NR2F1-AS1: variants seen among roughly 807,000 people sequenced by gnomAD.
The protein encoded by NR2F1-AS1 is NR2F1 antisense RNA 1.
chr5:93,525,098 T>C (rs1046595788), intron 4 of NR2F1-AS1, among the ~76,000 whole-genome samples: 2 of 152,126 alleles, frequency 1.3e-5, no homozygotes, highest in Non-Finnish European at 2.9e-5. Flanking sequence ...ATTGGTGTGC[T>C]GTATTCAGGA....
chr5:93,550,618 C>T (rs1752204483), intron 4 of NR2F1-AS1, among the ~76,000 whole-genome samples: 1 of 152,184 alleles, frequency 6.6e-6, no homozygotes, highest in Non-Finnish European at 1.5e-5. Flanking sequence ...GAAAATCATT[C>T]TAAAGACTTT....
intron 4 of NR2F1-AS1, among the ~76,000 whole-genome samples, chr5:93,503,885 C>A (rs1382737087): frequency 6.8e-6 from 1 of 147,262 alleles, no homozygotes. Context: ...GCTTTGTATC[C>A]TTTGCTATAA....
intron 4 of NR2F1-AS1, among the ~76,000 whole-genome samples, chr5:93,440,519 G>A (rs1174205514): frequency 6.6e-6 from 1 of 152,130 alleles, no homozygotes; most frequent in Non-Finnish European, 1.5e-5. Context: ...GTACAAGACT[G>A]GAACTTACAC....
chr5:93,474,242 T>C (rs1360086371), intron 4 of NR2F1-AS1, among the ~76,000 whole-genome samples: 1 of 152,092 alleles, frequency 6.6e-6, no homozygotes, highest in Non-Finnish European at 1.5e-5. Context: ...ATTTAGAAAG[T>C]AAAAAAGGCT....
intron 4 of NR2F1-AS1, among the ~76,000 whole-genome samples, chr5:93,480,875 G>A (rs555413964): frequency 3.0e-4 from 46 of 151,826 alleles, no homozygotes; most frequent in African/African-American, 1.0e-3. Flanking sequence ...AAAATATATT[G>A]AAAAGGAAAT....
intron 1 of NR2F1-AS1, among the ~76,000 whole-genome samples, chr5:93,573,024 A>G (rs1041481656): frequency 1.3e-5 from 2 of 152,314 alleles, no homozygotes; most frequent in African/African-American, 4.8e-5. Flanking sequence ...AGCCAGGAGG[A>G]GTGAGAAGCG....
At chr5:93,584,635 G>C (rs1273448386), upstream of NR2F1-AS1, 2 of 148,524 alleles carry the variant, frequency 1.3e-5, no homozygotes, top group Non-Finnish European at 3.0e-5. Flanking sequence ...TGGGGAGGGG[G>C]GAAGGAGAGC....
chr5:93,552,030 G>A (rs1384905172), intron 4 of NR2F1-AS1, among the ~76,000 whole-genome samples: 1 of 152,084 alleles, frequency 6.6e-6, no homozygotes, highest in East Asian at 1.9e-4. Context: ...TTCCTATTTA[G>A]CTTATTCATT....
At chr5:93,516,830 G>A (rs1751409232) in intron 4 of NR2F1-AS1, among the ~76,000 whole-genome samples, 1 of 151,920 alleles carries the variant, frequency 6.6e-6, no homozygotes. Flanking sequence ...AATAATCTGA[G>A]TCTTTTATAT....
chr5:93,564,860 T>A (rs1752579645), intron 1 of NR2F1-AS1, among the ~76,000 whole-genome samples: 1 of 152,154 alleles, frequency 6.6e-6, no homozygotes, highest in Admixed American at 6.5e-5. Flanking sequence ...ATTATATTTA[T>A]TACATTATAT....
intron 4 of NR2F1-AS1, among the ~76,000 whole-genome samples, chr5:93,442,397 T>G (rs927156500): frequency 4.6e-5 from 7 of 152,204 alleles, no homozygotes; most frequent in African/African-American, 1.4e-4. Context: ...GATTATATCC[T>G]GCACCTGGCT....
rs149124518 is a variant in NR2F1-AS1, at chr5:93,438,840, C to T, written n.639-43298G>A. The stretch of plus-strand genomic sequence containing the variant: ...AAAAGGATAAGCTGGGTGCTATGGC[C>T]TAGAAGGAGCACTCTAAGAGAGCTG... On this transcript the variant is annotated intron_variant and non_coding_transcript_variant, in intron 4 of 5. Transcript: ENST00000660523. 2.3e-4 allele frequency: 35 copies of T among 152,320 alleles called. 1 individual carries two copies. The highest frequency in any genetic ancestry group is 8.4e-4 in the African/African-American group (35 of 41,572). 9.4% of individuals were successfully genotyped at this position (152,320 alleles called of 1,614,324 possible).
chr5:93,509,545 C>A (rs1751253636), intron 4 of NR2F1-AS1, among the ~76,000 whole-genome samples: 1 of 151,952 alleles, frequency 6.6e-6, no homozygotes. Flanking sequence ...AGGAAGAATA[C>A]ATACCAACTT....
intron 4 of NR2F1-AS1, among the ~76,000 whole-genome samples, chr5:93,494,654 A>G (rs1338476566): frequency 1.3e-5 from 2 of 152,030 alleles, no homozygotes; most frequent in Non-Finnish European, 2.9e-5. Context: ...AGAAATAAGA[A>G]CCCTGGTAAC....
At chr5:93,555,451 GC>G (rs950592269) in intron 2 of NR2F1-AS1, among the ~76,000 whole-genome samples, 2 of 152,282 alleles carry the variant, frequency 1.3e-5, no homozygotes, top group African/African-American at 4.8e-5. Flanking sequence ...ATTTCAAGTA[GC>G]TTTTTGGGAA....
At chr5:93,560,151 A>G (rs1752453885) in intron 2 of NR2F1-AS1, among the ~76,000 whole-genome samples, 1 of 152,216 alleles carries the variant, frequency 6.6e-6, no homozygotes, top group African/African-American at 2.4e-5. Flanking sequence ...AAGAAATTAG[A>G]TGATATATGA....
chr5:93,531,382 C>G (rs1751733494), intron 4 of NR2F1-AS1, among the ~76,000 whole-genome samples: 1 of 152,186 alleles, frequency 6.6e-6, no homozygotes, highest in Non-Finnish European at 1.5e-5. Flanking sequence ...AAGTCCCATC[C>G]TTCCCACCTA....
chr5:93,417,082 A>G (rs1748983163), intron 4 of NR2F1-AS1, among the ~76,000 whole-genome samples: 1 of 152,186 alleles, frequency 6.6e-6, no homozygotes, highest in Non-Finnish European at 1.5e-5. Context: ...GCACTATGCC[A>G]CACTACTTCA....
At chr5:93,410,495 G>A (rs553715318) in intron 4 of NR2F1-AS1, 5 of 152,392 alleles carry the variant, frequency 3.3e-5, no homozygotes, top group African/African-American at 1.2e-4. Context: ...ATCAGTGGCA[G>A]CCTTAGATTC....
Sources: allele counts gnomAD v4.1 joint callset (sites outside exome capture counted in the v4.1 genomes callset), GRCh38; gene constraint gnomAD v4.1.1; transcripts MANE v1.5; gene names NCBI Gene and HGNC (gene_info 2026-07-23, HGNC 2026-07-21).